Variants in DLC1 observed in about 807,000 individuals in gnomAD.
DLC1 encodes the protein rho GTPase-activating protein 7.
Under a neutral mutation model 140.3 loss-of-function variants are expected in DLC1, and 54 were observed. That is an observed-to-expected ratio of 0.38 (90% CI 0.31 to 0.48). The LOEUF is 0.48. Among genes scored for constraint, DLC1 ranks in the 20% least tolerant of loss-of-function variants. DLC1 has a pLI of 0.96. For missense variants in DLC1, 2,536 were observed against 1,907.0 expected (o/e 1.33, Z -6.14); for synonymous variants, 986 against 728.1 (o/e 1.35, Z -5.70).
At chr8:13,396,682 C>T (rs750440754) in intron 3 of DLC1, among the ~76,000 whole-genome samples, 22 of 152,104 alleles carry the variant, frequency 1.4e-4, no homozygotes, top group Admixed American at 1.2e-3. Flanking sequence ...TTTAAAGTAA[C>T]CACCATGATA....
At chr8:13,352,580 T>C (rs1834727356) in intron 4 of DLC1, among the ~76,000 whole-genome samples, 1 of 151,876 alleles carries the variant, frequency 6.6e-6, no homozygotes, top group Admixed American at 6.6e-5. Flanking sequence ...AGGGCCTCCC[T>C]ATGTTGCCCA....
intron 2 of DLC1, among the ~76,000 whole-genome samples, chr8:13,428,730 C>A (rs1313011169): frequency 1.3e-5 from 2 of 151,424 alleles, no homozygotes; most frequent in African/African-American, 4.9e-5. Context: ...TTTTTTTTTG[C>A]CATTTAACGT....
chr8:13,428,968 G>A (rs191940816), intron 2 of DLC1, among the ~76,000 whole-genome samples: 1 of 152,304 alleles, frequency 6.6e-6, no homozygotes, highest in East Asian at 1.9e-4. Flanking sequence ...AAGTTCCGTA[G>A]AATCATTAGA....
At chr8:13,582,611 C>T (rs1805146140) in intron 1 of DLC1, among the ~76,000 whole-genome samples, 1 of 152,046 alleles carries the variant, frequency 6.6e-6, no homozygotes, top group South Asian at 2.1e-4. Context: ...CGAACTGCTT[C>T]TCCTTGCTCT....
At chr8:13,231,367 G>A (rs1563183763) in intron 5 of DLC1, among the ~76,000 whole-genome samples, 1 of 152,184 alleles carries the variant, frequency 6.6e-6, no homozygotes, top group Non-Finnish European at 1.5e-5. Flanking sequence ...TCCCACTGAT[G>A]ACTGTGTGCA....
chr8:13,258,683 C>A (rs950231277), intron 5 of DLC1, among the ~76,000 whole-genome samples: 1 of 152,298 alleles, frequency 6.6e-6, no homozygotes, highest in Non-Finnish European at 1.5e-5. Flanking sequence ...TATCAATGGC[C>A]TATGTAGCCT....
At chr8:13,389,210 A>C (rs1354288624) in intron 4 of DLC1, among the ~76,000 whole-genome samples, 2 of 152,158 alleles carry the variant, frequency 1.3e-5, no homozygotes, top group South Asian at 2.1e-4. Flanking sequence ...GAATATCTGC[A>C]CTTATAAGTA....
intron 5 of DLC1, among the ~76,000 whole-genome samples, chr8:13,117,281 G>A (rs1820635628): frequency 2.0e-5 from 3 of 151,966 alleles, no homozygotes; most frequent in Admixed American, 6.6e-5. Flanking sequence ...GACCAGCCTG[G>A]GCAACATGGC....
At chr8:13,513,231 AC>A (rs1563412804) in intron 1 of DLC1, among the ~76,000 whole-genome samples, 2 of 152,078 alleles carry the variant, frequency 1.3e-5, no homozygotes, top group Non-Finnish European at 2.9e-5. Flanking sequence ...GTTAGAGGAG[AC>A]CATCTCTTAT....
intron 5 of DLC1, among the ~76,000 whole-genome samples, chr8:13,120,906 C>T (rs1474410078): frequency 6.6e-6 from 1 of 152,150 alleles, no homozygotes; most frequent in Non-Finnish European, 1.5e-5. Flanking sequence ...TCCCCACCCC[C>T]AGCATCATTC....
At chr8:13,285,954 G>T (rs1312524956) in intron 5 of DLC1, among the ~76,000 whole-genome samples, 8 of 152,134 alleles carry the variant, frequency 5.3e-5, no homozygotes, top group Admixed American at 5.2e-4. Context: ...GTACATGAGA[G>T]AATTTTTAGA....
intron 4 of DLC1, among the ~76,000 whole-genome samples, chr8:13,350,192 T>C (rs1299257168): frequency 1.3e-5 from 2 of 152,144 alleles, no homozygotes; most frequent in Non-Finnish European, 2.9e-5. Context: ...TCTTACAAAA[T>C]ATATTTCCTT....
intron 2 of DLC1, among the ~76,000 whole-genome samples, chr8:13,474,965 G>A (rs757726562): frequency 3.3e-5 from 5 of 152,228 alleles, no homozygotes; most frequent in Non-Finnish European, 5.9e-5. Flanking sequence ...GCTCCACCAC[G>A]CTTAGCTAAT....
At chr8:13,587,077 T>TACACGC (rs1805345622) in intron 1 of DLC1, among the ~76,000 whole-genome samples, 1 of 142,806 alleles carries the variant, frequency 7.0e-6, no homozygotes, top group African/African-American at 2.6e-5. Context: ...GAAAATAGTT[T>TACACGC]ACACACACAC....
At chr8:13,131,924 C>T (rs889516069) in intron 5 of DLC1, among the ~76,000 whole-genome samples, 3 of 152,186 alleles carry the variant, frequency 2.0e-5, no homozygotes, top group African/African-American at 7.2e-5. Flanking sequence ...AAACTACACG[C>T]AGCAGGGTGC....
At chr8:13,342,985 A>G (rs955370102) in intron 4 of DLC1, among the ~76,000 whole-genome samples, 1 of 152,106 alleles carries the variant, frequency 6.6e-6, no homozygotes, top group African/African-American at 2.4e-5. Flanking sequence ...TGGTGAACCA[A>G]ACAGTAATTT....
chr8:13,193,410 A>G (rs1425641969), intron 5 of DLC1, among the ~76,000 whole-genome samples: 1 of 152,106 alleles, frequency 6.6e-6, no homozygotes, highest in Non-Finnish European at 1.5e-5. Flanking sequence ...TAAAAATGTT[A>G]TTTCTAAAGT....
chr8:13,337,497 T>C (rs1586160164), intron 4 of DLC1, among the ~76,000 whole-genome samples: 1 of 152,254 alleles, frequency 6.6e-6, no homozygotes, highest in East Asian at 1.9e-4. Context: ...CCTGATTTGA[T>C]TTGACAATCA....
chr8:13,334,495 G>A (rs114506713), intron 4 of DLC1, among the ~76,000 whole-genome samples: 4,485 of 152,226 alleles, frequency 0.029, 212 homozygotes, highest in African/African-American at 0.1. Context: ...GGTAGACTGC[G>A]CAGGCAGGGG....
Sources: allele counts gnomAD v4.1 joint callset (sites outside exome capture counted in the v4.1 genomes callset), GRCh38; gene constraint gnomAD v4.1.1; transcripts MANE v1.5; gene names NCBI Gene and HGNC (gene_info 2026-07-23, HGNC 2026-07-21).